ATP8A2: variants seen among roughly 807,000 people sequenced by gnomAD.
ATP8A2 encodes phospholipid-transporting ATPase IB.
In ATP8A2, 100 loss-of-function variants were observed where a neutral mutation model predicts 165.6. The observed-to-expected ratio is 0.60, with a 90% CI of 0.51 to 0.71. The LOEUF is 0.71. Among genes scored for constraint, ATP8A2 ranks in the 30% least tolerant of loss-of-function variants. ATP8A2 has a pLI of 0.00. For missense variants in ATP8A2, 1,227 were observed against 1,479.5 expected, an observed-to-expected ratio of 0.83 and a Z score of 2.80; for synonymous variants, 543 against 548.8, an observed-to-expected ratio of 0.99 and a Z score of 0.15.
At chr13:25,739,965 G>C (rs1162143125) in intron 25 of ATP8A2, among the ~76,000 whole-genome samples, 1 of 152,140 alleles carries the variant, frequency 6.6e-6, no homozygotes, top group Admixed American at 6.5e-5. Flanking sequence ...TTGCACAACA[G>C]TCCACCACAG....
chr13:25,790,472 G>T (rs1307047862), intron 27 of ATP8A2, among the ~76,000 whole-genome samples: 2 of 151,590 alleles, frequency 1.3e-5, no homozygotes, highest in Non-Finnish European at 2.9e-5. Flanking sequence ...GATTGCTTGA[G>T]CCCAGGAGTT....
chr13:25,761,137 T>C (rs923420570), intron 25 of ATP8A2, among the ~76,000 whole-genome samples: 1 of 152,204 alleles, frequency 6.6e-6, no homozygotes, highest in Non-Finnish European at 1.5e-5. Context: ...ATGCCTGGTA[T>C]TGCCAAAATA....
At chr13:25,619,779 G>A (rs1424240352) in intron 24 of ATP8A2, among the ~76,000 whole-genome samples, 1 of 152,232 alleles carries the variant, frequency 6.6e-6, no homozygotes, top group Non-Finnish European at 1.5e-5. Context: ...GGATCTGCTA[G>A]TGAATATTTT....
chr13:25,834,430 T>C (rs977898009), intron 28 of ATP8A2, among the ~76,000 whole-genome samples: 3 of 152,184 alleles, frequency 2.0e-5, no homozygotes, highest in Non-Finnish European at 4.4e-5. Flanking sequence ...AGAAAAAGTC[T>C]GTATGTTATA....
At chr13:25,954,203 A>G (rs1264035069) in intron 33 of ATP8A2, among the ~76,000 whole-genome samples, 1 of 152,196 alleles carries the variant, frequency 6.6e-6, no homozygotes, top group Non-Finnish European at 1.5e-5. Flanking sequence ...AGGCTTGAGT[A>G]GGTGGTTTTC....
At chr13:25,667,880 A>C (rs2042185898) in intron 24 of ATP8A2, among the ~76,000 whole-genome samples, 2 of 151,962 alleles carry the variant, frequency 1.3e-5, no homozygotes. Context: ...TTAATATTGC[A>C]AGTTTATAGC....
intron 13 of ATP8A2, among the ~76,000 whole-genome samples, chr13:25,557,130 G>T (rs1363378127): frequency 6.6e-6 from 1 of 152,138 alleles, no homozygotes; most frequent in East Asian, 1.9e-4. Flanking sequence ...GTGTTTCTTT[G>T]ATATAATTTT....
chr13:25,638,854 G>T (rs2041439378), intron 24 of ATP8A2, among the ~76,000 whole-genome samples: 1 of 152,178 alleles, frequency 6.6e-6, no homozygotes, highest in Non-Finnish European at 1.5e-5. Flanking sequence ...GGCAGCCAGA[G>T]AGAACGGTCG....
intron 33 of ATP8A2, among the ~76,000 whole-genome samples, chr13:25,889,273 T>TATATATATATATAA (rs1359317042): frequency 2.1e-5 from 3 of 141,184 alleles, no homozygotes; most frequent in Non-Finnish European, 3.1e-5. Flanking sequence ...TATATATATA[T>TATATATATATATAA]AAAATTTAAA....
intron 1 of ATP8A2, among the ~76,000 whole-genome samples, chr13:25,374,683 T>A (rs574200569): frequency 1.3e-5 from 2 of 152,230 alleles, no homozygotes; most frequent in East Asian, 1.9e-4. Flanking sequence ...AGGCTGAAAG[T>A]TCCAGGAGAC....
At chr13:25,412,485 A>G (rs886109243) in intron 1 of ATP8A2, among the ~76,000 whole-genome samples, 1 of 152,194 alleles carries the variant, frequency 6.6e-6, no homozygotes, top group African/African-American at 2.4e-5. Context: ...TGCTCAAACT[A>G]TATTAGATGC....
chr13:25,773,977 A>G (rs892882312), intron 26 of ATP8A2, among the ~76,000 whole-genome samples: 18 of 151,606 alleles, frequency 1.2e-4, no homozygotes, highest in Admixed American at 9.2e-4. Flanking sequence ...CTTTTCTTTT[A>G]AACAAGACTG....
intron 24 of ATP8A2, among the ~76,000 whole-genome samples, chr13:25,599,455 G>T (rs1275280033): frequency 6.6e-6 from 1 of 152,226 alleles, no homozygotes; most frequent in Non-Finnish European, 1.5e-5. Flanking sequence ...TGAAAACAGT[G>T]TGTTTCATAC....
chr13:25,487,833 TTCTC>T (rs2036398600), intron 2 of ATP8A2, among the ~76,000 whole-genome samples: 1 of 152,138 alleles, frequency 6.6e-6, no homozygotes, highest in Admixed American at 6.5e-5. Context: ...AGTGTAATCT[TTCTC>T]TCTTTCTTTC....
chr13:25,988,719 A>G (rs1206171271), intron 35 of ATP8A2, among the ~76,000 whole-genome samples: 1 of 152,206 alleles, frequency 6.6e-6, no homozygotes, highest in African/African-American at 2.4e-5. Flanking sequence ...AAGTAGCTCA[A>G]GAAAGGAATA....
chr13:25,541,894 T>G, intron 8 of ATP8A2, 25 bp from the exon 9 acceptor site: 2 of 1,613,592 alleles, frequency 1.2e-6, no homozygotes, highest in Non-Finnish European at 1.7e-6. Context: ...TGTGTTTGAC[T>G]TCCTCTTTTG....
At chr13:25,902,939 G>GCACACACACACACA (rs3221410) in intron 33 of ATP8A2, among the ~76,000 whole-genome samples, 8,518 of 140,358 alleles carry the variant, frequency 0.061, 473 homozygotes, top group Admixed American at 0.17. Context: ...TCCTCAGCAT[G>GCACACACACACACA]CACACACACA....
At chr13:25,462,946 C>T (rs1476704323) in intron 1 of ATP8A2, among the ~76,000 whole-genome samples, 1 of 152,110 alleles carries the variant, frequency 6.6e-6, no homozygotes. Context: ...TCTGACTCCA[C>T]CTTGACTTTT....
intron 27 of ATP8A2, among the ~76,000 whole-genome samples, chr13:25,777,306 A>G (rs2044764738): frequency 6.6e-6 from 1 of 152,176 alleles, no homozygotes; most frequent in African/African-American, 2.4e-5. Context: ...CCTACCTACC[A>G]CTGCCAAATT....
Sources: gnomAD v4.1 joint callset for allele counts (sites outside exome capture counted in the v4.1 genomes callset) on GRCh38, gnomAD v4.1.1 for gene constraint, MANE v1.5 for transcripts, NCBI Gene and HGNC (gene_info 2026-07-23, HGNC 2026-07-21) for gene names.